ADSS2: variants seen among roughly 807,000 people sequenced by gnomAD.
ADSS2 encodes the protein adenylosuccinate synthase 2, also known as adenylosuccinate synthetase isozyme 2.
ADSS2 carries 30 observed loss-of-function variants against 60.0 expected under a neutral mutation model. The ratio of observed to expected loss-of-function variants is 0.50; its 90% confidence interval spans 0.37 to 0.68. The LOEUF (loss-of-function observed/expected upper bound fraction) is 0.68, where lower values mean the gene tolerates loss of function less well. Among genes scored for constraint, ADSS2 ranks in the 30% least tolerant of loss-of-function variants. ADSS2 has a pLI of 0.00. For missense variants in ADSS2, 373 were observed against 554.8 expected (o/e 0.67, Z 3.29); for synonymous variants, 187 against 193.1 (o/e 0.97, Z 0.26).
In ADSS2 at chr1:244,422,901, A is replaced by G; in HGVS notation, c.597T>C (p.Ala199=). ...DGFSERFKVL[A]NQYKSIYPTL... ...TGGGGTATATAGATTTGTATTGGTT[A>G]GCTAGAACTTTAAACCTGAGAAACA... Residue 199 remains alanine (A), a synonymous_variant, in exon 7 of 13, where the codon GCT becomes GCC. Coordinates refer to ENST00000366535, the MANE Select transcript of ADSS2 (RefSeq NM_001126.5). 1.9e-6 allele frequency: 3 copies of G among 1,587,142 alleles called. No homozygotes were observed. Among genetic ancestry groups the G allele is most frequent in the Non-Finnish European group, 2.6e-6 (3 of 1,157,016 alleles).
At chr1:244,437,554 A>C in intron 2 of ADSS2, 112 bp downstream of exon 2, 1 of 765,920 alleles carries the variant, frequency 1.3e-6, no homozygotes, top group Non-Finnish European at 2.2e-6. Context: ...TTAATAAGAG[A>C]TCAATGAACC....
intron 9 of ADSS2, among the ~76,000 whole-genome samples, chr1:244,418,201 A>G (rs1265092042): frequency 2.6e-5 from 4 of 152,086 alleles, no homozygotes; most frequent in Non-Finnish European, 4.4e-5. Context: ...ACTCCCTACA[A>G]CTTGTTTTTC....
At chr1:244,410,217 A>G (rs1664380260) in intron 12 of ADSS2, among the ~76,000 whole-genome samples, 1 of 152,180 alleles carries the variant, frequency 6.6e-6, no homozygotes, top group Non-Finnish European at 1.5e-5. Context: ...TATGCTTACT[A>G]AATTTGACAT....
chr1:244,434,511 A>G (rs927541398), intron 3 of ADSS2, among the ~76,000 whole-genome samples: 2 of 152,234 alleles, frequency 1.3e-5, no homozygotes, highest in Non-Finnish European at 2.9e-5. Context: ...TTTAAAATAT[A>G]TTCCTTATAG....
chr1:244,427,743 A>G (rs1664840965), intron 4 of ADSS2, among the ~76,000 whole-genome samples: 1 of 152,214 alleles, frequency 6.6e-6, no homozygotes, highest in African/African-American at 2.4e-5. Context: ...ATTAACAATC[A>G]TAGCTTATTA....
chr1:244,437,320 T>C (rs1215782332), intron 2 of ADSS2, among the ~76,000 whole-genome samples: 1 of 152,180 alleles, frequency 6.6e-6, no homozygotes, highest in African/African-American at 2.4e-5. Context: ...AATAAATTCA[T>C]GAACCTCTCA....
At chr1:244,436,162 G>A (rs371635969) in intron 3 of ADSS2, among the ~76,000 whole-genome samples, 27 of 152,316 alleles carry the variant, frequency 1.8e-4, no homozygotes, top group East Asian at 1.2e-3. Flanking sequence ...TGTCATGTCT[G>A]TGTTCAAAAA....
chr1:244,409,350 A>G lies in ADSS2; in HGVS notation c.*236T>C, dbSNP rs755371449. On this transcript the variant is annotated 3_prime_UTR_variant, in exon 13 of 13. Transcript: ENST00000366535. ...ACATTGAAAAAAAAAACGTGGCACC[A>G]TGAGAGCAGCAGGAGCAACAAATGA... The G allele has an allele frequency of 4.8e-5, 19 of 399,898 alleles. No individual in the cohort carries two copies. The highest frequency in any genetic ancestry group is 7.6e-5 in the Non-Finnish European group (17 of 225,110). 24.8% of individuals were successfully genotyped at this position (399,898 alleles called of 1,614,324 possible). A position where few individuals can be genotyped will look rare whatever the true frequency, so the allele number is the denominator to read the frequency against.
intron 4 of ADSS2, among the ~76,000 whole-genome samples, chr1:244,430,045 T>C (rs1022003325): frequency 9.9e-5 from 15 of 152,154 alleles, no homozygotes; most frequent in South Asian, 2.1e-4. Context: ...CAGTCTGCGC[T>C]TATCTTCTAC....
At chr1:244,427,040 T>A (rs3127460) in intron 4 of ADSS2, among the ~76,000 whole-genome samples, 127,755 of 152,080 alleles carry the variant, frequency 0.84, 54,012 homozygotes, top group African/African-American at 0.91. Flanking sequence ...GCCACCTAAC[T>A]AATCTGGATT....
intron 1 of ADSS2, among the ~76,000 whole-genome samples, chr1:244,449,169 G>C (rs1342418440): frequency 6.6e-6 from 1 of 152,098 alleles, no homozygotes; most frequent in African/African-American, 2.4e-5. Flanking sequence ...ACGCCACTAG[G>C]TTTGCATCTA....
intron 12 of ADSS2, among the ~76,000 whole-genome samples, chr1:244,410,104 A>G (rs897539456): frequency 1.3e-5 from 2 of 152,240 alleles, no homozygotes; most frequent in South Asian, 2.1e-4. Context: ...GCCAGCTTCC[A>G]TAAGGTACTG....
Position 244,451,064 on chromosome 1 carries a change from T to A in ADSS2, c.183+571A>T, listed in dbSNP as rs1027094203. ...GTCCAAAGCCCAGAGGTGGGTGGGT[T>A]TGGATGTCAACAAAGTGGACCAGAG... is the stretch of plus-strand genomic sequence containing the variant. On this transcript the variant is annotated intron_variant, in intron 1 of 12. Transcript: ENST00000366535. This position sits in a 1 kb window ranked among gnomAD's most constrained non-coding sequence, Gnocchi z 6.6. Among the ~76,000 whole-genome samples, 1 of 152,142 alleles carries A rather than the reference T, an allele frequency of 6.6e-6. No individual in the cohort carries two copies. Among genetic ancestry groups the A allele is most frequent in the Non-Finnish European group, 1.5e-5 (1 of 68,022 alleles).
intron 1 of ADSS2, among the ~76,000 whole-genome samples, chr1:244,440,117 T>C (rs768843704): frequency 6.6e-6 from 1 of 152,244 alleles, no homozygotes; most frequent in Non-Finnish European, 1.5e-5. Context: ...GGTACTGTGA[T>C]TGCTCACCTG....
In ADSS2 at chr1:244,422,935, T is replaced by A. The variant is rs779604367; in HGVS notation, c.582-19A>T. 19 of 1,453,596 alleles carry A rather than the reference T, an allele frequency of 1.3e-5. No individual in the cohort carries two copies. Among genetic ancestry groups the A allele is most frequent in the Non-Finnish European group, 1.8e-5 (19 of 1,040,918 alleles). 90.0% of individuals were successfully genotyped at this position (1,453,596 alleles called of 1,614,324 possible). ...TTTAAACCTGAGAAACACAGATAAA[T>A]CAAGACATTACCACTCTGTGAAAAA... On this transcript the variant is annotated intron_variant, in intron 6 of 12. Transcript: ENST00000366535.
chr1:244,433,564 A>AT (rs1292410805), intron 3 of ADSS2, among the ~76,000 whole-genome samples: 1 of 152,182 alleles, frequency 6.6e-6, no homozygotes, highest in Non-Finnish European at 1.5e-5. Flanking sequence ...AAAGATAGTT[A>AT]TAACAAATAT....
intron 11 of ADSS2, 50 bp from the exon 12 acceptor site, chr1:244,411,486 A>C (rs1405391179): frequency 6.5e-7 from 1 of 1,548,206 alleles, no homozygotes. Context: ...TTTACTGTCA[A>C]ACAACTTTTT....
chr1:244,432,213 A>G (rs957100652), intron 4 of ADSS2, among the ~76,000 whole-genome samples: 11 of 152,226 alleles, frequency 7.2e-5, no homozygotes, highest in Non-Finnish European at 1.5e-4. Flanking sequence ...AAAACGGTAC[A>G]CTTACTTTTA....
intron 1 of ADSS2, among the ~76,000 whole-genome samples, chr1:244,442,117 A>T (rs1665262924): frequency 6.6e-6 from 1 of 152,192 alleles, no homozygotes; most frequent in African/African-American, 2.4e-5. Context: ...ATTATTTGAC[A>T]ATTATTACTG....
Sources: allele counts gnomAD v4.1 joint callset (sites outside exome capture counted in the v4.1 genomes callset), GRCh38; gene constraint gnomAD v4.1.1; non-coding constraint Gnocchi (gnomAD v3.1); transcripts MANE v1.5; gene names NCBI Gene and HGNC (gene_info 2026-07-23, HGNC 2026-07-21).